Variants in IGF2R observed in about 807,000 individuals in gnomAD.
The protein encoded by IGF2R is insulin like growth factor 2 receptor, also known as cation-independent mannose-6-phosphate receptor.
In IGF2R, 91 loss-of-function variants were observed where a neutral mutation model predicts 270.6. The ratio of observed to expected loss-of-function variants is 0.34; its 90% CI spans 0.28 to 0.40. The LOEUF (loss-of-function observed/expected upper bound fraction) is 0.40. Ranked by LOEUF, IGF2R falls within the 10% of genes least tolerant of loss-of-function variation. The probability of loss-of-function intolerance (pLI) is 1.00; values close to 1 mark genes in which losing one functional copy is unlikely to be tolerated. For missense variants in IGF2R, 2,805 were observed against 3,188.3 expected (o/e 0.88, Z 2.90); for synonymous variants, 1,316 against 1,258.9 (o/e 1.05, Z -0.96).
intron 1 of IGF2R, among the ~76,000 whole-genome samples, chr6:159,980,336 G>C (rs538987325): frequency 6.6e-5 from 10 of 152,292 alleles, no homozygotes; most frequent in Non-Finnish European, 1.3e-4. Context: ...TTCCTCTTCA[G>C]GTTGCCTTTA....
intron 39 of IGF2R, among the ~76,000 whole-genome samples, chr6:160,082,312 A>ATT (rs71682394): frequency 2.7e-5 from 4 of 146,066 alleles, no homozygotes; most frequent in African/African-American, 7.5e-5. Context: ...ATTATCTTAA[A>ATT]TTTTTTTTTT....
chr6:160,045,976 G>A (rs912506470), intron 14 of IGF2R, 94 bp downstream of exon 14: 81 of 1,152,236 alleles, frequency 7.0e-5, no homozygotes, highest in South Asian at 4.6e-4. Context: ...AAGGTGACCC[G>A]CCTTAGAATT....
At chr6:160,070,714 C>T (rs1050698887) in intron 31 of IGF2R, among the ~76,000 whole-genome samples, 9 of 152,146 alleles carry the variant, frequency 5.9e-5, no homozygotes, top group Non-Finnish European at 8.8e-5. Flanking sequence ...ATGACAAGCT[C>T]GGTGGCTGAG....
At chr6:160,060,504 A>G (rs1480483333) in intron 22 of IGF2R, 43 bp from the exon 23 acceptor site, 2 of 1,602,006 alleles carry the variant, frequency 1.2e-6, no homozygotes, top group Non-Finnish European at 1.7e-6. Flanking sequence ...TGCGCCATGA[A>G]TACTGTTCTG....
At chr6:160,095,607 C>T (rs1221780797) in intron 44 of IGF2R, 1 of 152,214 alleles carries the variant, frequency 6.6e-6, no homozygotes, top group Non-Finnish European at 1.5e-5. Flanking sequence ...TAGACCACTG[C>T]TAATCCCTTA....
chr6:159,990,660 C>T (rs926553915), intron 1 of IGF2R, among the ~76,000 whole-genome samples: 1 of 151,690 alleles, frequency 6.6e-6, no homozygotes, highest in African/African-American at 2.4e-5. Flanking sequence ...GACAGAGTCT[C>T]GCACTGTTGA....
intron 2 of IGF2R, 25 bp from the exon 3 acceptor site, chr6:160,008,985 T>G: frequency 6.2e-7 from 1 of 1,612,672 alleles, no homozygotes; most frequent in Non-Finnish European, 8.5e-7. Flanking sequence ...TTATAGCCTG[T>G]TCACTCTCTT....
intron 39 of IGF2R, among the ~76,000 whole-genome samples, chr6:160,081,127 A>G (rs1435884426): frequency 2.2e-5 from 1 of 45,948 alleles, no homozygotes; most frequent in Non-Finnish European, 3.9e-5. Context: ...CTCGGTCTCA[A>G]AAAAAAAAAA....
At position 160,059,042 on chromosome 6, in the gene IGF2R, A is replaced by G; in HGVS notation, c.3035A>G (p.Gln1012Arg). 6.2e-7 allele frequency: 1 copy of G among 1,614,236 alleles called. No homozygotes were observed. Among genetic ancestry groups the G allele is most frequent in the African/African-American group, 1.3e-5 (1 of 75,064 alleles). ...CCAGTCGGAATTGAGAAAAGCCTCC[A>G]GCTGTCCACAGAGGGCTTCATCACT... ...ARPVGIEKSL[Q>R]LSTEGFITLT... The change falls in exon 22 of 48, where the codon CAG becomes CGG. Residue 1012 changes from glutamine (Q) to arginine (R), a missense_variant. Physicochemically the swap from Gln to Arg is conservative, Grantham distance 43 (BLOSUM62 1). Coordinates refer to ENST00000356956, the MANE Select transcript of IGF2R (RefSeq NM_000876.4).
At chr6:159,981,425 C>G (rs951008866) in intron 1 of IGF2R, among the ~76,000 whole-genome samples, 4 of 152,126 alleles carry the variant, frequency 2.6e-5, no homozygotes, top group African/African-American at 4.8e-5. Flanking sequence ...GGGGCCTGCC[C>G]GTCTCTCCCT....
rs1424976327 is a variant in IGF2R at position 160,084,334 on chromosome 6, A to G, written c.6068+150A>G. ...TGGTTGAGTTGTGACTGTTCCTGGA[A>G]GCAGCCCGCAGTGTCAATCCTGGCA... On this transcript the variant is annotated intron_variant, in intron 40 of 47. Coordinates refer to ENST00000356956, the MANE Select transcript of IGF2R (RefSeq NM_000876.4). The surrounding 1 kb of genome is among the most constrained non-coding windows in gnomAD (Gnocchi z 4.6). The G allele has an allele frequency of 4.8e-6, 3 of 618,694 alleles. No individual in the cohort carries two copies. The highest frequency in any genetic ancestry group is 5.8e-6 in the Non-Finnish European group (2 of 347,458). 38.3% of individuals were successfully genotyped at this position (618,694 alleles called of 1,614,324 possible).
At chr6:160,077,246 G>A (rs974180146) in intron 36 of IGF2R, among the ~76,000 whole-genome samples, 4 of 152,216 alleles carry the variant, frequency 2.6e-5, no homozygotes, top group Admixed American at 6.5e-5. Flanking sequence ...GTTTATAAGC[G>A]TATTGGCATA....
At chr6:160,020,397 G>A (rs1170638284) in intron 4 of IGF2R, among the ~76,000 whole-genome samples, 2 of 152,142 alleles carry the variant, frequency 1.3e-5, no homozygotes, top group South Asian at 2.1e-4. Flanking sequence ...CAGATTCAAT[G>A]CAATTCCTAT....
rs76174226 is a variant in IGF2R at position 160,069,530 on chromosome 6, C to T, written c.4253-338C>T. Reference sequence around the variant, plus strand: ...TTCTTGAATAAAGAAGGTGCATGGACGTAGGCCATTTAAAATGTTCCTCTG... The same window carrying T: ...TTCTTGAATAAAGAAGGTGCATGGATGTAGGCCATTTAAAATGTTCCTCTG... On this transcript the variant is annotated intron_variant, in intron 30 of 47. Transcript: ENST00000356956. Among the ~76,000 whole-genome samples, 16 of 152,268 alleles carry T rather than the reference C, an allele frequency of 1.1e-4. No individual in the cohort carries two copies. The East Asian group carries it at 2.9e-3, about 28-fold the overall frequency.
At chr6:160,019,778 A>G (rs1189727852) in intron 4 of IGF2R, among the ~76,000 whole-genome samples, 1 of 152,210 alleles carries the variant, frequency 6.6e-6, no homozygotes, top group Admixed American at 6.5e-5. Flanking sequence ...TGAAAAGACA[A>G]CACTCAAAAA....
chr6:160,071,431 C>T (rs191819231), intron 31 of IGF2R, among the ~76,000 whole-genome samples: 3 of 152,322 alleles, frequency 2.0e-5, no homozygotes, highest in Admixed American at 6.5e-5. Context: ...GGACATGAAG[C>T]GTTTTGAGAT....
At chr6:160,048,793 C>T (rs894802113) in intron 18 of IGF2R, among the ~76,000 whole-genome samples, 3 of 152,240 alleles carry the variant, frequency 2.0e-5, no homozygotes, top group Non-Finnish European at 4.4e-5. Flanking sequence ...GCAGAGGAAG[C>T]ACCGAATGGT....
intron 2 of IGF2R, among the ~76,000 whole-genome samples, chr6:160,000,816 T>C (rs1784117958): frequency 7.2e-6 from 1 of 138,862 alleles, no homozygotes; most frequent in African/African-American, 2.6e-5. Context: ...GCTCACTGCA[T>C]CCTCCGCCCC....
chr6:160,061,996 C>A, intron 25 of IGF2R, 68 bp downstream of exon 25: 2 of 1,440,444 alleles, frequency 1.4e-6, no homozygotes, highest in Admixed American at 3.5e-5. Context: ...CCTTGAACCT[C>A]TGAATCTTCT....
Sources: allele counts gnomAD v4.1 joint callset (sites outside exome capture counted in the v4.1 genomes callset), GRCh38; gene constraint gnomAD v4.1.1; non-coding constraint Gnocchi (gnomAD v3.1); transcripts MANE v1.5; gene names NCBI Gene and HGNC (gene_info 2026-07-23, HGNC 2026-07-21).